The following PRKN variants were observed in gnomAD, a reference collection of about 807,000 sequenced individuals.
PRKN encodes E3 ubiquitin-protein ligase parkin.
Under a neutral mutation model 59.5 loss-of-function variants are expected in PRKN, and 56 were observed. The observed-to-expected ratio is 0.94, with a 90% CI of 0.76 to 1.18. The LOEUF is 1.18. PRKN is among the 50% of genes most tolerant of loss of function. The pLI is 0.00. For synonymous variants in PRKN, 250 were observed against 222.1 expected (o/e 1.13, Z -1.12); for missense variants, 657 against 596.4 (o/e 1.10, Z -1.06).
At chr6:162,352,799 C>T (rs557172351) in intron 2 of PRKN, among the ~76,000 whole-genome samples, 1 of 152,238 alleles carries the variant, frequency 6.6e-6, no homozygotes, top group South Asian at 2.1e-4. Flanking sequence ...CAATAGAAAG[C>T]TAGACACCTC....
At chr6:162,184,975 G>A (rs1465660629) in intron 4 of PRKN, among the ~76,000 whole-genome samples, 1 of 151,966 alleles carries the variant, frequency 6.6e-6, no homozygotes, top group Non-Finnish European at 1.5e-5. Context: ...AGGGTGGGGG[G>A]GTGCTCCTGA....
intron 6 of PRKN, among the ~76,000 whole-genome samples, chr6:161,966,182 T>C (rs1318629209): frequency 5.3e-5 from 8 of 152,002 alleles, no homozygotes; most frequent in Admixed American, 2.6e-4. Context: ...TCACAATAAA[T>C]AGGGTTAAAT....
At position 162,077,298 on chromosome 6, in the gene PRKN, T is replaced by C. The variant is rs190126656; in HGVS notation, c.535-23124A>G. Among the ~76,000 whole-genome samples the C allele has an allele frequency of 1.7e-4, 26 of 152,246 alleles. 1 individual carries two copies. Among genetic ancestry groups the C allele is most frequent in the African/African-American group, 5.5e-4 (23 of 41,508 alleles). ...AGAGCAATAGGCTGACCTATTCTCTTGCTCTGAAAGCCTAGGTGTCTGGTA... is the reference window on the plus strand; with the variant it reads ...AGAGCAATAGGCTGACCTATTCTCTCGCTCTGAAAGCCTAGGTGTCTGGTA... On this transcript the variant is annotated intron_variant, in intron 4 of 11. Coordinates refer to ENST00000366898, the MANE Select transcript of PRKN (RefSeq NM_004562.3).
chr6:161,476,186 CAGG>C (rs1791070267), intron 9 of PRKN, among the ~76,000 whole-genome samples: 1 of 131,118 alleles, frequency 7.6e-6, no homozygotes, highest in Non-Finnish European at 1.6e-5. Context: ...GACTCTGTCT[CAGG>C]AAAAAAAAAA....
intron 1 of PRKN, among the ~76,000 whole-genome samples, chr6:162,518,663 G>A (rs945128318): frequency 1.3e-5 from 2 of 152,112 alleles, no homozygotes; most frequent in Non-Finnish European, 2.9e-5. Flanking sequence ...CACAATACCC[G>A]GCCAGCAAAT....
chr6:162,404,716 C>A (rs1583513889), intron 2 of PRKN, among the ~76,000 whole-genome samples: 1 of 152,082 alleles, frequency 6.6e-6, no homozygotes, highest in Non-Finnish European at 1.5e-5. Flanking sequence ...CCACACCCAG[C>A]TAATTTTGTA....
chr6:162,670,185 C>T (rs2128230050), intron 1 of PRKN, among the ~76,000 whole-genome samples: 1 of 152,302 alleles, frequency 6.6e-6, no homozygotes, highest in African/African-American at 2.4e-5. Flanking sequence ...GTGCTGAATT[C>T]CATTCTTTCA....
At chr6:161,358,145 G>C (rs781221737) in intron 11 of PRKN, among the ~76,000 whole-genome samples, 1 of 152,150 alleles carries the variant, frequency 6.6e-6, no homozygotes, top group Non-Finnish European at 1.5e-5. Flanking sequence ...GGGTGTGTTT[G>C]CCTATTATAT....
At position 162,699,327 on chromosome 6, in the gene PRKN, A is replaced by G. The variant is rs192996535; in HGVS notation, c.7+28335T>C. Among the ~76,000 whole-genome samples, 101 of 152,310 alleles carry G rather than the reference A, an allele frequency of 6.6e-4. No individual in the cohort carries two copies. In the East Asian group the frequency reaches 9.7e-3, roughly 15 times the overall value. On this transcript the variant is annotated intron_variant, in intron 1 of 11. Coordinates refer to ENST00000366898, the MANE Select transcript of PRKN (RefSeq NM_004562.3). ...AATCAATATATAATCAAATGCTGAA[A>G]TATGGGGAAAAGGCAAGCCAAAAAC...
intron 1 of PRKN, among the ~76,000 whole-genome samples, chr6:162,574,045 G>C (rs577883978): frequency 1.3e-5 from 2 of 152,182 alleles, no homozygotes; most frequent in Admixed American, 6.5e-5. Context: ...CGATGCCTGT[G>C]CATCTTGTTC....
chr6:162,726,228 CTG>C (rs1457004623), intron 1 of PRKN, among the ~76,000 whole-genome samples: 3 of 152,162 alleles, frequency 2.0e-5, no homozygotes, highest in Non-Finnish European at 4.4e-5. Context: ...TTAAAATTAT[CTG>C]TGCACTAGAT....
chr6:161,743,893 C>T (rs1408753385), intron 7 of PRKN, among the ~76,000 whole-genome samples: 2 of 152,158 alleles, frequency 1.3e-5, no homozygotes, highest in African/African-American at 4.8e-5. Flanking sequence ...GAATATAATT[C>T]TTACGTGCCT....
intron 1 of PRKN, among the ~76,000 whole-genome samples, chr6:162,561,801 C>G (rs1779856547): frequency 6.6e-6 from 1 of 152,154 alleles, no homozygotes; most frequent in Non-Finnish European, 1.5e-5. Context: ...GCCTGCAAAC[C>G]TTGCCACAGA....
intron 1 of PRKN, among the ~76,000 whole-genome samples, chr6:162,647,468 G>T (rs1001869454): frequency 2.8e-5 from 4 of 144,540 alleles, no homozygotes; most frequent in African/African-American, 9.7e-5. Flanking sequence ...TGATTCAAAC[G>T]CATGAGCAGA....
chr6:161,879,955 G>A (rs1343195120), intron 6 of PRKN, among the ~76,000 whole-genome samples: 1 of 152,124 alleles, frequency 6.6e-6, no homozygotes, highest in Non-Finnish European at 1.5e-5. Flanking sequence ...ATTAGAAGTA[G>A]ATGAAAATGC....
At position 162,426,958 on chromosome 6, in the gene PRKN, C is replaced by T. The variant is rs139888527; in HGVS notation, c.171+16352G>A. On this transcript the variant is annotated intron_variant, in intron 2 of 11. Coordinates refer to ENST00000366898, the MANE Select transcript of PRKN (RefSeq NM_004562.3). ...AGGTTGACAGGTTATTTGTTTCCTA[C>T]GTTAGCCCCAAAATACTAATATACA... 1.2e-3 allele frequency among the ~76,000 whole-genome samples: 180 copies of T among 152,262 alleles called. 1 individual carries two copies. Among genetic ancestry groups the T allele is most frequent in the African/African-American group, 4.1e-3 (172 of 41,552 alleles).
intron 6 of PRKN, among the ~76,000 whole-genome samples, chr6:161,886,487 A>G (rs1795151839): frequency 6.6e-6 from 1 of 152,136 alleles, no homozygotes; most frequent in African/African-American, 2.4e-5. Flanking sequence ...ATCTGAGGTC[A>G]GGAGTTTGAG....
At chr6:162,150,257 C>T (rs1372505783) in intron 4 of PRKN, among the ~76,000 whole-genome samples, 3 of 152,200 alleles carry the variant, frequency 2.0e-5, no homozygotes, top group Non-Finnish European at 4.4e-5. Flanking sequence ...TAAGTGTGGG[C>T]TAATCTGTAA....
chr6:161,638,953 G>C (rs778809572), intron 7 of PRKN, among the ~76,000 whole-genome samples: 2 of 151,806 alleles, frequency 1.3e-5, no homozygotes, highest in Non-Finnish European at 2.9e-5. Flanking sequence ...TGTTGGCTGC[G>C]CTGGTCTCAA....
Sources: gnomAD v4.1 joint callset for allele counts (sites outside exome capture counted in the v4.1 genomes callset) on GRCh38, gnomAD v4.1.1 for gene constraint, MANE v1.5 for transcripts, NCBI Gene and HGNC (gene_info 2026-07-23, HGNC 2026-07-21) for gene names.